The following PPP2R2B variants were observed in gnomAD, a reference collection of about 807,000 sequenced individuals.
PPP2R2B encodes serine/threonine-protein phosphatase 2A 55 kDa regulatory subunit B beta isoform.
Under a neutral mutation model 46.0 loss-of-function variants are expected in PPP2R2B, and 5 were observed. That is an observed-to-expected ratio of 0.11 (90% CI 0.06 to 0.23). The LOEUF (loss-of-function observed/expected upper bound fraction) is 0.23, where lower values mean the gene tolerates loss of function less well. Among genes scored for constraint, PPP2R2B ranks in the 10% least tolerant of loss-of-function variants. PPP2R2B has a pLI of 1.00. For missense variants in PPP2R2B, 367 were observed against 575.0 expected, an observed-to-expected ratio of 0.64 and a Z score of 3.70; for synonymous variants, 215 against 206.7, an observed-to-expected ratio of 1.04 and a Z score of -0.34.
chr5:146,935,042 T>TTATA (rs1391014268), intron 1 of PPP2R2B, among the ~76,000 whole-genome samples: 1 of 152,332 alleles, frequency 6.6e-6, no homozygotes, highest in East Asian at 1.9e-4. Flanking sequence ...CTTATATTAG[T>TTATA]TTCTAGGCAT....
At chr5:146,633,362 C>T (rs1302014640) in intron 7 of PPP2R2B, among the ~76,000 whole-genome samples, 3 of 152,186 alleles carry the variant, frequency 2.0e-5, no homozygotes, top group African/African-American at 7.2e-5. Flanking sequence ...GTCTCAATTC[C>T]GATCACACAC....
intron 2 of PPP2R2B, among the ~76,000 whole-genome samples, chr5:146,719,665 A>T (rs952072198): frequency 6.6e-6 from 1 of 152,154 alleles, no homozygotes; most frequent in African/African-American, 2.4e-5. Context: ...GCTCCACATC[A>T]TGGGACCAAA....
intron 3 of PPP2R2B, among the ~76,000 whole-genome samples, chr5:146,700,724 T>C (rs1019686087): frequency 3.3e-5 from 5 of 152,186 alleles, no homozygotes; most frequent in African/African-American, 1.2e-4. Context: ...TTTCAATGGC[T>C]CTATGACAGA....
chr5:146,928,913 C>T (rs1018121496), intron 1 of PPP2R2B, among the ~76,000 whole-genome samples: 14 of 152,318 alleles, frequency 9.2e-5, no homozygotes, highest in African/African-American at 2.6e-4. Context: ...TTACTCCTTT[C>T]CAGCCTTGCT....
intron 2 of PPP2R2B, among the ~76,000 whole-genome samples, chr5:146,760,524 G>C (rs1156618963): frequency 2.6e-5 from 4 of 152,152 alleles, no homozygotes; most frequent in African/African-American, 9.7e-5. Context: ...TGGAAGATGT[G>C]AGGTGATAAG....
chr5:146,637,903 C>T (rs1774925483), intron 7 of PPP2R2B, among the ~76,000 whole-genome samples: 1 of 152,182 alleles, frequency 6.6e-6, no homozygotes, highest in Non-Finnish European at 1.5e-5. Context: ...TTTGTCCAGG[C>T]CACCCTTCAA....
upstream of PPP2R2B, chr5:147,056,087 T>C: frequency 9.3e-7 from 1 of 1,073,622 alleles, no homozygotes; most frequent in Non-Finnish European, 1.1e-6. Flanking sequence ...AACCTCTACC[T>C]TTTCCCGTGT....
At chr5:146,624,369 A>G (rs988452057) in intron 7 of PPP2R2B, among the ~76,000 whole-genome samples, 1 of 152,118 alleles carries the variant, frequency 6.6e-6, no homozygotes, top group Admixed American at 6.5e-5. Context: ...CTCAGGCCAA[A>G]AAGCTGGGAG....
At chr5:146,822,695 CCA>C (rs1231324167) in intron 2 of PPP2R2B, among the ~76,000 whole-genome samples, 2 of 152,082 alleles carry the variant, frequency 1.3e-5, no homozygotes, top group Admixed American at 6.6e-5. Context: ...GTTCTTCCTC[CCA>C]CAGATTATTA....
intron 2 of PPP2R2B, chr5:146,856,529 A>G: frequency 6.2e-7 from 1 of 1,611,902 alleles, no homozygotes; most frequent in Non-Finnish European, 8.5e-7. Flanking sequence ...TCATCTGGAT[A>G]ATTCATGCTT....
At chr5:146,883,373 T>C (rs993654696), upstream of PPP2R2B, among the ~76,000 whole-genome samples, 3 of 152,166 alleles carry the variant, frequency 2.0e-5, no homozygotes, top group Non-Finnish European at 4.4e-5. Context: ...TTGCAGAGAA[T>C]TGGAGAGATG....
intron 2 of PPP2R2B, among the ~76,000 whole-genome samples, chr5:146,840,253 T>C (rs552315450): frequency 6.6e-6 from 1 of 152,216 alleles, no homozygotes; most frequent in Non-Finnish European, 1.5e-5. Context: ...TTTAATTGAG[T>C]GACTCCTCTG....
At chr5:147,072,643 C>T (rs1003861272) in intron 2 of PPP2R2B, among the ~76,000 whole-genome samples, 5 of 152,064 alleles carry the variant, frequency 3.3e-5, no homozygotes, top group African/African-American at 7.2e-5. Flanking sequence ...AATGAGATAA[C>T]GTGTTGAAAG....
chr5:146,658,488 T>A (rs1776482838), intron 5 of PPP2R2B, among the ~76,000 whole-genome samples: 1 of 152,170 alleles, frequency 6.6e-6, no homozygotes, highest in Admixed American at 6.5e-5. Flanking sequence ...AATATCCTAA[T>A]TCCAAAGAAT....
intron 2 of PPP2R2B, among the ~76,000 whole-genome samples, chr5:146,797,231 C>G (rs1756594318): frequency 6.6e-6 from 1 of 152,184 alleles, no homozygotes; most frequent in Non-Finnish European, 1.5e-5. Context: ...CTTAAGGATG[C>G]ACCATCTGTG....
At chr5:147,034,442 A>C (rs1755942092) in intron 1 of PPP2R2B, among the ~76,000 whole-genome samples, 1 of 152,170 alleles carries the variant, frequency 6.6e-6, no homozygotes, top group Non-Finnish European at 1.5e-5. Flanking sequence ...GACCCATAGT[A>C]GGTCCTTATT....
chr5:146,833,727 C>G (rs1759098082), intron 2 of PPP2R2B, among the ~76,000 whole-genome samples: 1 of 151,624 alleles, frequency 6.6e-6, no homozygotes, highest in African/African-American at 2.4e-5. Context: ...CTGTCTCTCT[C>G]CCCCTGCCCT....
intron 1 of PPP2R2B, among the ~76,000 whole-genome samples, chr5:146,972,178 T>C (rs956173321): frequency 2.0e-5 from 3 of 147,082 alleles, no homozygotes; most frequent in Non-Finnish European, 3.0e-5. Flanking sequence ...TTTGGGTTTG[T>C]CAAATATGTG....
chr5:147,056,602 A>G (rs1438687821), upstream of PPP2R2B, among the ~76,000 whole-genome samples: 3 of 152,238 alleles, frequency 2.0e-5, no homozygotes, highest in Non-Finnish European at 2.9e-5. Flanking sequence ...ATTAAAAAAC[A>G]TGGAAAAACT....
Sources: gnomAD v4.1 joint callset for allele counts (sites outside exome capture counted in the v4.1 genomes callset) on GRCh38, gnomAD v4.1.1 for gene constraint, MANE v1.5 for transcripts, NCBI Gene and HGNC (gene_info 2026-07-23, HGNC 2026-07-21) for gene names.